PIEZO2: variants seen among roughly 807,000 people sequenced by gnomAD.
PIEZO2 encodes the protein piezo type mechanosensitive ion channel component 2.
Under a neutral mutation model 337.3 loss-of-function variants are expected in PIEZO2, and 172 were observed. That is an observed-to-expected ratio of 0.51 (90% CI 0.45 to 0.58). PIEZO2 has a LOEUF of 0.58. Among genes scored for constraint, PIEZO2 ranks in the 20% least tolerant of loss-of-function variants. The pLI, the probability that PIEZO2 is intolerant of heterozygous loss-of-function variation, is 0.00. For synonymous variants in PIEZO2, 1,251 were observed against 1,228.5 expected (o/e 1.02, Z -0.38); for missense variants, 3,028 against 3,391.3 (o/e 0.89, Z 2.66).
chr18:10,722,293 C>T (rs532972300), intron 36 of PIEZO2, among the ~76,000 whole-genome samples: 8 of 150,172 alleles, frequency 5.3e-5, no homozygotes, highest in South Asian at 2.1e-4. Flanking sequence ...TGCAGTGGTG[C>T]GGTCTCAGCT....
In PIEZO2 at chr18:10,856,843, G is replaced by A. The variant is rs572998406; in HGVS notation, c.703+158C>T. Among the ~76,000 whole-genome samples the A allele has an allele frequency of 7.9e-5, 12 of 152,024 alleles. No homozygotes were observed. The highest frequency in any genetic ancestry group is 7.8e-4 in the Admixed American group (12 of 15,290). Reference sequence around the variant, plus strand: ...AACTAACCCGGAAAAATTATTTTGTGTGGTTTGTACATGTGGCCAGTTTTA... The same window carrying A: ...AACTAACCCGGAAAAATTATTTTGTATGGTTTGTACATGTGGCCAGTTTTA... On this transcript the variant is annotated intron_variant, in intron 6 of 55. Transcript: ENST00000674853. This position sits in a 1 kb window ranked among gnomAD's most constrained non-coding sequence, Gnocchi z 4.7.
At chr18:11,051,329 G>A (rs148320751) in intron 2 of PIEZO2, among the ~76,000 whole-genome samples, 2 of 145,356 alleles carry the variant, frequency 1.4e-5, no homozygotes, top group East Asian at 4.1e-4. Context: ...ACCTTAGACA[G>A]CAACCATCAC....
chr18:11,125,834 G>T lies in PIEZO2; in HGVS notation c.64+22691C>A, dbSNP rs995399686. ...TTCATCAATTTGATTGTATGAAGTG[G>T]CTGAGTGAGTCTGAGATAAGATAGG... On this transcript the variant is annotated intron_variant, in intron 1 of 55. Transcript: ENST00000674853. This position sits in a 1 kb window ranked among gnomAD's most constrained non-coding sequence, Gnocchi z 4.4. Among the ~76,000 whole-genome samples, 2 of 152,164 alleles carry T rather than the reference G, an allele frequency of 1.3e-5. No individual in the cohort carries two copies. The highest frequency in any genetic ancestry group is 2.1e-4 in the South Asian group (1 of 4,830).
At chr18:11,025,412 CAA>C (rs2036502613) in intron 2 of PIEZO2, among the ~76,000 whole-genome samples, 2 of 152,122 alleles carry the variant, frequency 1.3e-5, no homozygotes, top group South Asian at 4.1e-4. Flanking sequence ...GGATGCAAAG[CAA>C]GTTCCTGGTG....
intron 16 of PIEZO2, 92 bp downstream of exon 16, chr18:10,786,944 C>G (rs2039243846): frequency 3.2e-6 from 4 of 1,237,890 alleles, no homozygotes; most frequent in Non-Finnish European, 3.3e-6. Context: ...TTGATGACAT[C>G]ATGCTTTACT....
chr18:10,955,780 A>T (rs538766355), intron 3 of PIEZO2, among the ~76,000 whole-genome samples: 20 of 152,328 alleles, frequency 1.3e-4, no homozygotes, highest in African/African-American at 4.3e-4. Flanking sequence ...GTAAGTAAGT[A>T]TTACCATTAG....
intron 18 of PIEZO2, among the ~76,000 whole-genome samples, chr18:10,778,528 T>A (rs1237398267): frequency 6.6e-6 from 1 of 152,012 alleles, no homozygotes; most frequent in Non-Finnish European, 1.5e-5. Flanking sequence ...GAGACAGGGT[T>A]TCACCGTGTT....
chr18:10,869,257 G>A lies in PIEZO2; in HGVS notation c.492+1996C>T, dbSNP rs555071025. On this transcript the variant is annotated intron_variant, in intron 5 of 55. Coordinates refer to ENST00000674853, the MANE Select transcript of PIEZO2 (RefSeq NM_001378183.1). Reference sequence around the variant, plus strand: ...ATTGTCTCAGCATCACACACTAGGCGGCCTCCATGTCTGACTTCTAAGTCC... The same window carrying A: ...ATTGTCTCAGCATCACACACTAGGCAGCCTCCATGTCTGACTTCTAAGTCC... Among the ~76,000 whole-genome samples the A allele has an allele frequency of 3.9e-5, 6 of 152,082 alleles. No individual in the cohort carries two copies. The South Asian group carries it at 1.2e-3, about 32-fold the overall frequency.
At chr18:10,884,874 C>G (rs894498712) in intron 4 of PIEZO2, among the ~76,000 whole-genome samples, 1 of 152,050 alleles carries the variant, frequency 6.6e-6, no homozygotes, top group Non-Finnish European at 1.5e-5. Flanking sequence ...TAGAAGATAA[C>G]AAGGAAGAGC....
intron 2 of PIEZO2, among the ~76,000 whole-genome samples, chr18:10,998,586 C>T (rs1230448717): frequency 2.0e-5 from 3 of 151,890 alleles, no homozygotes; most frequent in Non-Finnish European, 2.9e-5. Flanking sequence ...AATAAATATC[C>T]ACTCATAACT....
rs1234006876 is a variant in PIEZO2 at position 10,834,613 on chromosome 18, G to A, written c.917+20740C>T. 2.6e-5 allele frequency among the ~76,000 whole-genome samples: 4 copies of A among 152,102 alleles called. No individual in the cohort carries two copies. The highest frequency in any genetic ancestry group is 2.6e-4 in the Admixed American group (4 of 15,264). On this transcript the variant is annotated intron_variant, in intron 7 of 55. Transcript: ENST00000674853. The surrounding 1 kb of genome is among the most constrained non-coding windows in gnomAD (Gnocchi z 4.5). ...CCACAGCCTGTTTTAACACCTCTCT[G>A]ATTTCATGAGGTAGGTATCATGTAA...
chr18:10,930,472 A>G (rs748898054), intron 3 of PIEZO2, among the ~76,000 whole-genome samples: 1 of 152,150 alleles, frequency 6.6e-6, no homozygotes, highest in Non-Finnish European at 1.5e-5. Flanking sequence ...TACTCCTTAT[A>G]TGTATTAATT....
chr18:10,785,575 T>C (rs751011118), intron 16 of PIEZO2, among the ~76,000 whole-genome samples: 1 of 152,200 alleles, frequency 6.6e-6, no homozygotes, highest in Non-Finnish European at 1.5e-5. Flanking sequence ...CTCCCCACTC[T>C]AGTATCCCTG....
chr18:10,974,032 G>A (rs2034343436), intron 3 of PIEZO2, among the ~76,000 whole-genome samples: 2 of 152,162 alleles, frequency 1.3e-5, no homozygotes, highest in Non-Finnish European at 2.9e-5. Flanking sequence ...GAAGTTTACA[G>A]CTTTGTGTGC....
Position 10,871,471 on chromosome 18 carries a change from T to A in PIEZO2, c.330-56A>T, listed in dbSNP as rs74255529. The A allele has an allele frequency of 5.7e-3, 8,264 of 1,445,870 alleles. 341 individuals carry two copies. The Admixed American group carries it at 0.082, about 14-fold the overall frequency. 89.6% of individuals were successfully genotyped at this position (1,445,870 alleles called of 1,614,324 possible). On this transcript the variant is annotated intron_variant, in intron 4 of 55. Coordinates refer to ENST00000674853, the MANE Select transcript of PIEZO2 (RefSeq NM_001378183.1). ...AAATTTAGTTCTTATATTTCTACGG[T>A]TAAACTGCCTTATAGGATGTTTTGG...
intron 1 of PIEZO2, among the ~76,000 whole-genome samples, chr18:11,073,194 C>G (rs2038409163): frequency 6.6e-6 from 1 of 152,098 alleles, no homozygotes; most frequent in Non-Finnish European, 1.5e-5. Context: ...CAAGGGTGGC[C>G]CAGGGTGGTG....
intron 36 of PIEZO2, among the ~76,000 whole-genome samples, chr18:10,729,482 G>A (rs1441622415): frequency 1.3e-5 from 2 of 151,988 alleles, no homozygotes; most frequent in African/African-American, 2.4e-5. Flanking sequence ...AACATTGCTA[G>A]GCGTGGTGGT....
In PIEZO2 at chr18:11,104,173, C is replaced by G. The variant is rs193084349; in HGVS notation, c.65-37951G>C. Reference sequence around the variant, plus strand: ...TCTAGTACCAAAGTATGAGACGGACCCTGCAAATGCATAATGCACCAGGAG... The same window carrying G: ...TCTAGTACCAAAGTATGAGACGGACGCTGCAAATGCATAATGCACCAGGAG... On this transcript the variant is annotated intron_variant, in intron 1 of 55. Transcript: ENST00000674853. This position sits in a 1 kb window ranked among gnomAD's most constrained non-coding sequence, Gnocchi z 4.6. 1.7e-3 allele frequency among the ~76,000 whole-genome samples: 252 copies of G among 152,204 alleles called. 1 individual carries two copies. Among genetic ancestry groups the G allele is most frequent in the African/African-American group, 5.8e-3 (240 of 41,510 alleles).
In PIEZO2 at chr18:10,773,317, G is replaced by T. The variant is rs541916095; in HGVS notation, c.2785+95C>A. The stretch of plus-strand genomic sequence containing the variant: ...CTCCAATTTTTATGTCATGGACTGG[G>T]TCAAATATATATTCTTTTGGAGCAA... On this transcript the variant is annotated intron_variant, in intron 20 of 55. Transcript: ENST00000674853. This position sits in a 1 kb window ranked among gnomAD's most constrained non-coding sequence, Gnocchi z 5.3. 2 of 1,275,822 alleles carry T rather than the reference G, an allele frequency of 1.6e-6. No individual in the cohort carries two copies. The highest frequency in any genetic ancestry group is 1.3e-5 in the South Asian group (1 of 75,290). The allele number at this position is 1,275,822 out of a possible 1,614,324, so 79.0% of individuals were successfully genotyped here. A position where few individuals can be genotyped will look rare whatever the true frequency, so the allele number is the denominator to read the frequency against.
Sources: allele counts gnomAD v4.1 joint callset (sites outside exome capture counted in the v4.1 genomes callset), GRCh38; gene constraint gnomAD v4.1.1; non-coding constraint Gnocchi (gnomAD v3.1); transcripts MANE v1.5; gene names NCBI Gene and HGNC (gene_info 2026-07-23, HGNC 2026-07-21).